SBF2: variants seen among roughly 807,000 people sequenced by gnomAD.
SBF2 encodes the protein SET binding factor 2.
A neutral mutation model predicts 225.2 loss-of-function variants in SBF2; 112 were observed. The ratio of observed to expected loss-of-function variants is 0.50; its 90% CI spans 0.43 to 0.58. SBF2 has a LOEUF of 0.58. Among genes scored for constraint, SBF2 ranks in the 20% least tolerant of loss-of-function variants. The pLI is 0.00. For missense variants in SBF2, 1,996 were observed against 2,206.2 expected (o/e 0.90, Z 1.91); for synonymous variants, 763 against 773.3 (o/e 0.99, Z 0.22).
intron 2 of SBF2, among the ~76,000 whole-genome samples, chr11:10,163,527 A>G (rs1451511174): frequency 6.6e-6 from 1 of 152,176 alleles, no homozygotes; most frequent in Non-Finnish European, 1.5e-5. Context: ...TGCTTACTAT[A>G]TACCAGGAAC....
chr11:10,264,188 A>G (rs772246110), intron 1 of SBF2, among the ~76,000 whole-genome samples: 4 of 152,192 alleles, frequency 2.6e-5, no homozygotes, highest in Admixed American at 1.3e-4. Context: ...CTCAGCAACC[A>G]TAATCTTCCT....
chr11:10,056,398 G>A (rs1179829135), intron 2 of SBF2, among the ~76,000 whole-genome samples: 1 of 152,098 alleles, frequency 6.6e-6, no homozygotes, highest in East Asian at 1.9e-4. Context: ...CCATTCATTT[G>A]TGTCTTCTCT....
chr11:9,792,501 A>AT (rs1449272123), intron 33 of SBF2, among the ~76,000 whole-genome samples: 1 of 152,166 alleles, frequency 6.6e-6, no homozygotes, highest in East Asian at 1.9e-4. Flanking sequence ...CCACTTCGTC[A>AT]TTTTGGCAGA....
At chr11:10,137,565 C>T (rs948026652) in intron 2 of SBF2, among the ~76,000 whole-genome samples, 3 of 152,152 alleles carry the variant, frequency 2.0e-5, no homozygotes, top group African/African-American at 7.2e-5. Context: ...TGAAGCAGTT[C>T]CCCTCTATTC....
At chr11:9,994,577 C>CATATATATATAT (rs377348270) in intron 9 of SBF2, among the ~76,000 whole-genome samples, 3,405 of 133,956 alleles carry the variant, frequency 0.025, 121 homozygotes, top group Non-Finnish European at 0.035. Context: ...TATATATGTA[C>CATATATATATAT]ATATATATAT....
chr11:9,934,328 A>G (rs1257911540), intron 16 of SBF2, among the ~76,000 whole-genome samples: 2 of 152,110 alleles, frequency 1.3e-5, no homozygotes, highest in Non-Finnish European at 2.9e-5. Flanking sequence ...TACCAACAAC[A>G]AAAAAAGTCC....
intron 23 of SBF2, among the ~76,000 whole-genome samples, chr11:9,845,950 T>C (rs188026174): frequency 6.6e-6 from 1 of 152,352 alleles, no homozygotes; most frequent in Non-Finnish European, 1.5e-5. Context: ...AGGAAAATCA[T>C]GTATCTTCAA....
At chr11:9,882,618 C>A (rs895721262) in intron 17 of SBF2, among the ~76,000 whole-genome samples, 1 of 151,952 alleles carries the variant, frequency 6.6e-6, no homozygotes, top group African/African-American at 2.4e-5. Context: ...ACCATCCTGG[C>A]TAACACGGTG....
intron 2 of SBF2, among the ~76,000 whole-genome samples, chr11:10,144,378 C>G (rs1006600007): frequency 6.6e-6 from 1 of 151,994 alleles, no homozygotes; most frequent in Non-Finnish European, 1.5e-5. Flanking sequence ...GTCCCCGCTA[C>G]CTGGGAGGTT....
At chr11:9,822,565 ACT>A (rs1245844490) in intron 28 of SBF2, among the ~76,000 whole-genome samples, 1 of 151,924 alleles carries the variant, frequency 6.6e-6, no homozygotes, top group African/African-American at 2.4e-5. Flanking sequence ...CGGCCACTAA[ACT>A]CTTAATGTAT....
At chr11:10,047,051 A>T (rs969256033) in intron 2 of SBF2, among the ~76,000 whole-genome samples, 4 of 152,160 alleles carry the variant, frequency 2.6e-5, no homozygotes, top group African/African-American at 9.6e-5. Context: ...CCAAATAATT[A>T]GGTATAAATC....
At chr11:9,903,752 G>GC (rs764368866) in intron 16 of SBF2, among the ~76,000 whole-genome samples, 5 of 152,158 alleles carry the variant, frequency 3.3e-5, no homozygotes, top group Non-Finnish European at 7.4e-5. Context: ...TAAGTGCAGT[G>GC]CCCTCCTTAC....
chr11:10,043,213 T>C (rs1246602720), intron 2 of SBF2, among the ~76,000 whole-genome samples: 1 of 152,212 alleles, frequency 6.6e-6, no homozygotes, highest in Non-Finnish European at 1.5e-5. Context: ...GTTGCCACTC[T>C]GGGTGCCATT....
chr11:9,826,930 C>T (rs1034832841), intron 28 of SBF2, among the ~76,000 whole-genome samples: 14 of 152,068 alleles, frequency 9.2e-5, no homozygotes, highest in South Asian at 6.2e-4. Flanking sequence ...CTCTGCCTCC[C>T]GGGTTCAACT....
intron 17 of SBF2, among the ~76,000 whole-genome samples, chr11:9,870,064 G>A (rs1858597124): frequency 6.6e-6 from 1 of 151,958 alleles, no homozygotes; most frequent in Non-Finnish European, 1.5e-5. Flanking sequence ...CCAACAACAG[G>A]CAAGCAGAGA....
intron 16 of SBF2, among the ~76,000 whole-genome samples, chr11:9,896,522 T>G (rs1861270114): frequency 6.6e-6 from 1 of 152,212 alleles, no homozygotes; most frequent in African/African-American, 2.4e-5. Context: ...CTGGGCGCGG[T>G]GGCTCATGCC....
intron 13 of SBF2, among the ~76,000 whole-genome samples, chr11:9,982,727 C>T (rs887766021): frequency 6.6e-6 from 1 of 152,258 alleles, no homozygotes; most frequent in South Asian, 2.1e-4. Flanking sequence ...ACTGCTCCTG[C>T]GGGATTCGGG....
chr11:10,075,990 C>T lies in SBF2; in HGVS notation c.142-33009G>A, dbSNP rs556999169. ...TAGCAAAATAGCATGTACAGATTCA[C>T]ATGGTGAACTTTCATCCAAGAAGAA... On this transcript the variant is annotated intron_variant, in intron 2 of 39. Transcript: ENST00000256190. Among the ~76,000 whole-genome samples the T allele has an allele frequency of 3.8e-3, 575 of 151,990 alleles. 4 individuals carry two copies. The highest frequency in any genetic ancestry group is 5.2e-3 in the South Asian group (25 of 4,818).
At chr11:9,995,948 C>G (rs1406273076) in intron 9 of SBF2, among the ~76,000 whole-genome samples, 1 of 151,906 alleles carries the variant, frequency 6.6e-6, no homozygotes, top group Non-Finnish European at 1.5e-5. Flanking sequence ...GCATGAGCCA[C>G]CGCACCCGGC....
Sources: gnomAD v4.1 joint callset for allele counts (sites outside exome capture counted in the v4.1 genomes callset) on GRCh38, gnomAD v4.1.1 for gene constraint, MANE v1.5 for transcripts, NCBI Gene and HGNC (gene_info 2026-07-23, HGNC 2026-07-21) for gene names.